Variants in DPY30 observed in about 807,000 individuals in gnomAD.
DPY30 encodes protein dpy-30 homolog.
Under a neutral mutation model 16.2 loss-of-function variants are expected in DPY30, and 6 were observed. That is an observed-to-expected ratio of 0.37 (90% CI 0.20 to 0.73). DPY30 has a LOEUF of 0.73. Ranked by LOEUF, DPY30 falls within the 30% of genes least tolerant of loss-of-function variation. The probability of loss-of-function intolerance (pLI) is 0.51; values close to 1 mark genes in which losing one functional copy is unlikely to be tolerated. For synonymous variants in DPY30, 39 were observed against 38.8 expected, an observed-to-expected ratio of 1.00 and a Z score of -0.02; for missense variants, 73 against 113.1, an observed-to-expected ratio of 0.65 and a Z score of 1.61.
chr2:32,015,651 TG>T (rs1675050054), intron 5 of DPY30, among the ~76,000 whole-genome samples: 1 of 151,930 alleles, frequency 6.6e-6, no homozygotes, highest in African/African-American at 2.4e-5. Context: ...AAGACCAGCC[TG>T]GGGCAACACA....
At chr2:32,033,463 A>C (rs1412842669) in intron 3 of DPY30, among the ~76,000 whole-genome samples, 1 of 152,216 alleles carries the variant, frequency 6.6e-6, no homozygotes, top group Admixed American at 6.5e-5. Flanking sequence ...ACTTGAGGTT[A>C]GGAGTTCAAG....
intron 4 of DPY30, among the ~76,000 whole-genome samples, chr2:32,028,846 C>CTGCCAGG (rs1203648440): frequency 6.6e-6 from 1 of 151,640 alleles, no homozygotes; most frequent in Non-Finnish European, 1.5e-5. Context: ...GCCTGTAATC[C>CTGCCAGG]CAGCTACTCG....
chr2:32,033,200 C>A (rs917635641), intron 3 of DPY30, among the ~76,000 whole-genome samples: 1 of 151,496 alleles, frequency 6.6e-6, no homozygotes, highest in Non-Finnish European at 1.5e-5. Flanking sequence ...CCCAGGCACT[C>A]GGGAGGCTGA....
Position 32,025,084 on chromosome 2 carries a change from C to G in DPY30, c.228-828G>C, listed in dbSNP as rs1006614940. On this transcript the variant is annotated intron_variant, in intron 4 of 4. Transcript: ENST00000342166. ...CATTCCCAGAGCACTTTAAACAGCCCTAAGAGCTGTCTACAAATAGACAAG... is the reference window on the plus strand; with the variant it reads ...CATTCCCAGAGCACTTTAAACAGCCGTAAGAGCTGTCTACAAATAGACAAG... 3.9e-5 allele frequency among the ~76,000 whole-genome samples: 6 copies of G among 152,116 alleles called. No homozygotes were observed. The East Asian group carries it at 1.2e-3, about 29-fold the overall frequency.
chr2:32,036,725 G>T (rs1330460309), intron 3 of DPY30, among the ~76,000 whole-genome samples: 1 of 149,238 alleles, frequency 6.7e-6, no homozygotes, highest in South Asian at 2.1e-4. Flanking sequence ...AAAATTAGCC[G>T]GGCATGGTTG....
At chr2:32,022,932 G>C (rs1558583741), downstream of DPY30, among the ~76,000 whole-genome samples, 1 of 152,178 alleles carries the variant, frequency 6.6e-6, no homozygotes, top group Non-Finnish European at 1.5e-5. Context: ...TTTTAAGCTA[G>C]ATAATTCTTG....
chr2:32,014,569 C>T (rs1034424435), intron 5 of DPY30, among the ~76,000 whole-genome samples: 1 of 151,772 alleles, frequency 6.6e-6, no homozygotes, highest in African/African-American at 2.4e-5. Flanking sequence ...CTGCAAGCTC[C>T]GCCTCCCGGG....
intron 5 of DPY30, among the ~76,000 whole-genome samples, chr2:32,013,752 G>A (rs544435065): frequency 5.9e-5 from 9 of 152,376 alleles, no homozygotes; most frequent in Admixed American, 2.6e-4. Flanking sequence ...GCTCCTGCCT[G>A]TAATCCCAGC....
At chr2:32,027,777 T>C (rs1447316281) in intron 4 of DPY30, among the ~76,000 whole-genome samples, 8 of 151,526 alleles carry the variant, frequency 5.3e-5, no homozygotes, top group Admixed American at 5.3e-4. Flanking sequence ...TACAGGCACC[T>C]GCCACCACGC....
rs753317171 is a variant in DPY30, at chr2:32,029,773, A to G, written c.85-37T>C. The G allele has an allele frequency of 1.9e-6, 3 of 1,609,556 alleles. No individual in the cohort carries two copies. In the South Asian group the frequency reaches 3.3e-5, roughly 18 times the overall value. On this transcript the variant is annotated intron_variant, in intron 3 of 4. Transcript: ENST00000342166. ...AAAAAAACAGTGCATGAACATTTCA[A>G]ATAACCAGGTTATTTTGAGTGCTAA... is the stretch of plus-strand genomic sequence containing the variant.
intron 2 of DPY30, 26 bp downstream of exon 2, chr2:32,039,395 A>T (rs760434247): frequency 6.2e-7 from 1 of 1,613,964 alleles, no homozygotes; most frequent in Admixed American, 1.7e-5. Flanking sequence ...GCACACCGCC[A>T]CCCTGAATCC....
At chr2:32,015,714 C>G (rs12478134) in intron 5 of DPY30, among the ~76,000 whole-genome samples, 41,306 of 151,654 alleles carry the variant, frequency 0.27, 5,951 homozygotes, top group East Asian at 0.54. Context: ...GTAGCACGCC[C>G]CTGTAGTACC....
chr2:32,030,963 C>A (rs991284113), intron 3 of DPY30, among the ~76,000 whole-genome samples: 1 of 151,986 alleles, frequency 6.6e-6, no homozygotes, highest in African/African-American at 2.4e-5. Flanking sequence ...CACTAAAAAA[C>A]AATAATTACA....
chr2:32,032,115 A>G (rs1156663203), intron 3 of DPY30, among the ~76,000 whole-genome samples: 1 of 152,138 alleles, frequency 6.6e-6, no homozygotes, highest in African/African-American at 2.4e-5. Flanking sequence ...ATTATCTGTA[A>G]CATATATAGC....
intron 3 of DPY30, among the ~76,000 whole-genome samples, chr2:32,030,827 A>T (rs1675511996): frequency 6.6e-6 from 1 of 152,064 alleles, no homozygotes; most frequent in Non-Finnish European, 1.5e-5. Flanking sequence ...TATGATTTTT[A>T]AAAATGAACA....
chr2:32,022,805 C>T (rs940217300), downstream of DPY30, among the ~76,000 whole-genome samples: 5 of 152,100 alleles, frequency 3.3e-5, no homozygotes, highest in South Asian at 6.2e-4. Flanking sequence ...CGTGAGCCAC[C>T]GCACCCGGCC....
At chr2:32,033,137 C>T (rs562596926) in intron 3 of DPY30, among the ~76,000 whole-genome samples, 316 of 149,418 alleles carry the variant, frequency 2.1e-3, no homozygotes, top group Non-Finnish European at 4.0e-3. Flanking sequence ...ATGGTGAAAC[C>T]CCGCCTCTAA....
intron 3 of DPY30, among the ~76,000 whole-genome samples, chr2:32,032,237 T>C (rs1197686312): frequency 3.3e-5 from 5 of 152,238 alleles, no homozygotes; most frequent in African/African-American, 1.2e-4. Context: ...AGTTTTTTAA[T>C]CTATAAAATA....
chr2:32,021,347 T>C (rs1675176113), downstream of DPY30, among the ~76,000 whole-genome samples: 2 of 152,020 alleles, frequency 1.3e-5, no homozygotes, highest in African/African-American at 4.8e-5. Flanking sequence ...GAATATCTTC[T>C]AATCAATCCT....
Sources: allele counts gnomAD v4.1 joint callset (sites outside exome capture counted in the v4.1 genomes callset), GRCh38; gene constraint gnomAD v4.1.1; transcripts MANE v1.5; gene names NCBI Gene and HGNC (gene_info 2026-07-23, HGNC 2026-07-21).